TMEM161B: variants seen among roughly 807,000 people sequenced by gnomAD.
TMEM161B encodes transmembrane protein 161B.
Under a neutral mutation model 61.8 loss-of-function variants are expected in TMEM161B, and 34 were observed. The ratio of observed to expected loss-of-function variants is 0.55; its 90% confidence interval spans 0.42 to 0.73. The LOEUF (loss-of-function observed/expected upper bound fraction) is 0.73. TMEM161B is among the 30% of genes least tolerant of loss of function. The pLI is 0.00. For synonymous variants in TMEM161B, 167 were observed against 192.8 expected, an observed-to-expected ratio of 0.87 and a Z score of 1.11; for missense variants, 456 against 558.5, an observed-to-expected ratio of 0.82 and a Z score of 1.85.
chr5:88,193,012 A>C (rs1561288550), downstream of TMEM161B, among the ~76,000 whole-genome samples: 1 of 152,262 alleles, frequency 6.6e-6, no homozygotes, highest in East Asian at 1.9e-4. Context: ...TATTTTACCA[A>C]TGATATTTAT....
At chr5:88,245,661 A>C (rs886546518) in intron 1 of TMEM161B, among the ~76,000 whole-genome samples, 7 of 152,040 alleles carry the variant, frequency 4.6e-5, no homozygotes, top group Non-Finnish European at 8.8e-5. Context: ...ATAACTGTTA[A>C]ATGGTATTTC....
At chr5:88,199,198 T>C (rs1750252751) in intron 9 of TMEM161B, 48 bp from the exon 10 acceptor site, 8 of 1,533,842 alleles carry the variant, frequency 5.2e-6, no homozygotes, top group Non-Finnish European at 7.1e-6. Context: ...AACAATATGC[T>C]AGCATGCTCG....
At chr5:88,230,334 T>C (rs1168207688) in intron 2 of TMEM161B, among the ~76,000 whole-genome samples, 1 of 152,204 alleles carries the variant, frequency 6.6e-6, no homozygotes, top group South Asian at 2.1e-4. Context: ...ATTTTTGATA[T>C]ATATACTGAA....
chr5:88,208,143 A>G (rs1745904148), intron 5 of TMEM161B, among the ~76,000 whole-genome samples: 1 of 152,204 alleles, frequency 6.6e-6, no homozygotes, highest in South Asian at 2.1e-4. Context: ...TGAAGTCAGG[A>G]GTATGAGACC....
intron 1 of TMEM161B, among the ~76,000 whole-genome samples, chr5:88,267,743 C>G (rs1461512196): frequency 1.3e-5 from 2 of 152,140 alleles, no homozygotes; most frequent in South Asian, 2.1e-4. Flanking sequence ...ATCCATACCC[C>G]CCTACCCCTT....
chr5:88,200,284 T>C (rs1744140797), intron 9 of TMEM161B: 1 of 152,074 alleles, frequency 6.6e-6, no homozygotes, highest in Non-Finnish European at 1.5e-5. Flanking sequence ...AAAAGCAATG[T>C]TGGCTAAGAA....
At chr5:88,215,919 CAT>C (rs1747741465) in intron 5 of TMEM161B, among the ~76,000 whole-genome samples, 1 of 152,186 alleles carries the variant, frequency 6.6e-6, no homozygotes, top group South Asian at 2.1e-4. Context: ...TGTATTCCCA[CAT>C]ATGTGTAAAC....
intron 1 of TMEM161B, among the ~76,000 whole-genome samples, chr5:88,243,835 C>G (rs1753148705): frequency 6.6e-6 from 1 of 151,904 alleles, no homozygotes; most frequent in Non-Finnish European, 1.5e-5. Context: ...TTACATTTCT[C>G]TAATGATTAG....
chr5:88,222,451 C>G (rs1311843545), intron 4 of TMEM161B, among the ~76,000 whole-genome samples: 1 of 152,050 alleles, frequency 6.6e-6, no homozygotes, highest in Non-Finnish European at 1.5e-5. Flanking sequence ...AGGATGCTTA[C>G]CCTCAATCCC....
intron 1 of TMEM161B, among the ~76,000 whole-genome samples, chr5:88,247,688 C>T (rs1048240476): frequency 1.3e-5 from 2 of 152,010 alleles, no homozygotes; most frequent in African/African-American, 4.8e-5. Context: ...ACTTAGAATT[C>T]ACACTAGATG....
chr5:88,242,892 T>C (rs918911199), intron 1 of TMEM161B, among the ~76,000 whole-genome samples: 3 of 151,648 alleles, frequency 2.0e-5, no homozygotes, highest in Non-Finnish European at 4.4e-5. Flanking sequence ...GAAACTATAA[T>C]ATAAACAATG....
chr5:88,222,645 C>T (rs1488645905), intron 4 of TMEM161B, among the ~76,000 whole-genome samples: 1 of 152,176 alleles, frequency 6.6e-6, no homozygotes, highest in African/African-American at 2.4e-5. Context: ...TTCCACGTAA[C>T]TCACTCATAG....
At chr5:88,194,856 AC>A (rs1390621771), downstream of TMEM161B, among the ~76,000 whole-genome samples, 15 of 152,108 alleles carry the variant, frequency 9.9e-5, no homozygotes, top group African/African-American at 3.6e-4. Flanking sequence ...AGACAAAAAA[AC>A]TACCTTTATC....
chr5:88,207,915 G>C (rs996466987), intron 5 of TMEM161B, among the ~76,000 whole-genome samples: 22 of 152,166 alleles, frequency 1.4e-4, no homozygotes, highest in Admixed American at 6.5e-4. Flanking sequence ...TTTATGTCAA[G>C]CATGGAAAAT....
intron 4 of TMEM161B, among the ~76,000 whole-genome samples, chr5:88,223,985 T>TATACATACAACCTTTACAG (rs1561360253): frequency 6.6e-6 from 1 of 152,164 alleles, no homozygotes; most frequent in Admixed American, 6.5e-5. Context: ...ATGCTTTACA[T>TATACATACAACCTTTACAG]ATACATACAA....
intron 1 of TMEM161B, among the ~76,000 whole-genome samples, chr5:88,256,739 C>T (rs184768449): frequency 1.3e-5 from 2 of 152,206 alleles, no homozygotes; most frequent in African/African-American, 4.8e-5. Context: ...ATATTAAACA[C>T]AAGTTGAATA....
At chr5:88,193,440 C>T (rs1367856195), downstream of TMEM161B, among the ~76,000 whole-genome samples, 3 of 152,030 alleles carry the variant, frequency 2.0e-5, no homozygotes, top group South Asian at 4.1e-4. Context: ...AAAGTACAAA[C>T]TCTTTTGTAT....
downstream of TMEM161B, among the ~76,000 whole-genome samples, chr5:88,194,080 G>T (rs1041082894): frequency 6.6e-6 from 1 of 152,124 alleles, no homozygotes; most frequent in Admixed American, 6.5e-5. Context: ...TGGACTTCCA[G>T]TGAACCCATC....
At chr5:88,206,413 T>A in intron 7 of TMEM161B, 26 bp downstream of exon 7, 1 of 1,547,972 alleles carries the variant, frequency 6.5e-7, no homozygotes, top group Middle Eastern at 2.0e-4. Context: ...TAAATTTAAA[T>A]AATGCTTAAT....
Sources: allele counts gnomAD v4.1 joint callset (sites outside exome capture counted in the v4.1 genomes callset), GRCh38; gene constraint gnomAD v4.1.1; transcripts MANE v1.5; gene names NCBI Gene and HGNC (gene_info 2026-07-23, HGNC 2026-07-21).